Variants in CAST observed in about 807,000 individuals in gnomAD.
The protein encoded by CAST is calpastatin.
CAST carries 76 observed loss-of-function variants against 119.6 expected under a neutral mutation model. That is an observed-to-expected ratio of 0.64 (90% CI 0.53 to 0.77). CAST has a LOEUF of 0.77. Ranked by LOEUF, CAST falls within the 30% of genes least tolerant of loss-of-function variation. The probability of loss-of-function intolerance (pLI) is 0.00; values close to 1 mark genes in which losing one functional copy is unlikely to be tolerated. For synonymous variants in CAST, 319 were observed against 331.6 expected (o/e 0.96, Z 0.41); for missense variants, 953 against 946.5 (o/e 1.01, Z -0.09).
At chr5:96,216,945 T>C in the CAST span, among the ~76,000 whole-genome samples, 1 of 152,198 alleles carries the variant, frequency 6.6e-6, no homozygotes, top group Non-Finnish European at 1.5e-5. Flanking sequence ...TTGTGCTTTC[T>C]GTTGCAGAAG....
the CAST span, among the ~76,000 whole-genome samples, chr5:96,481,710 A>T: frequency 2.0e-5 from 3 of 152,196 alleles, no homozygotes; most frequent in Non-Finnish European, 4.4e-5. Flanking sequence ...TGAAAAGGGA[A>T]ATAAGTGGGA....
chr5:96,746,017 A>G (rs1459559833), intron 16 of CAST, among the ~76,000 whole-genome samples: 3 of 152,228 alleles, frequency 2.0e-5, no homozygotes. Flanking sequence ...AGTGAGCTAG[A>G]TAAGGGTTAT....
chr5:96,685,945 A>G (rs1257880928), intron 2 of CAST, among the ~76,000 whole-genome samples: 1 of 152,052 alleles, frequency 6.6e-6, no homozygotes, highest in Non-Finnish European at 1.5e-5. Context: ...TGATTTCTTT[A>G]TTTCTTTTTT....
At chr5:96,686,757 A>C (rs1413131972) in intron 2 of CAST, among the ~76,000 whole-genome samples, 1 of 152,250 alleles carries the variant, frequency 6.6e-6, no homozygotes, top group Admixed American at 6.5e-5. Flanking sequence ...GTTTACTTAC[A>C]CAAAAAGAGA....
chr5:95,993,731 A>G, the CAST span, among the ~76,000 whole-genome samples: 1 of 152,164 alleles, frequency 6.6e-6, no homozygotes, highest in Non-Finnish European at 1.5e-5. Context: ...TGCAAAACAC[A>G]TTTGACCAAA....
the CAST span, among the ~76,000 whole-genome samples, chr5:96,342,578 T>C: frequency 2.6e-5 from 4 of 152,212 alleles, no homozygotes; most frequent in African/African-American, 7.2e-5. Flanking sequence ...TCAGGTCTAT[T>C]TGGAGACTTG....
At chr5:96,717,031 G>A (rs575529280) in intron 3 of CAST, among the ~76,000 whole-genome samples, 3 of 152,240 alleles carry the variant, frequency 2.0e-5, no homozygotes, top group Admixed American at 1.3e-4. Flanking sequence ...TATTAAAACT[G>A]TATCTTATTC....
the CAST span, among the ~76,000 whole-genome samples, chr5:96,235,195 G>A: frequency 1.3e-5 from 2 of 152,056 alleles, no homozygotes; most frequent in African/African-American, 4.8e-5. Flanking sequence ...GTTTGCCTTG[G>A]GATCATTTCT....
the CAST span, among the ~76,000 whole-genome samples, chr5:96,224,573 G>A: frequency 1.3e-5 from 2 of 152,140 alleles, no homozygotes; most frequent in Admixed American, 6.6e-5. Flanking sequence ...GCCACCAGAA[G>A]CTGGAAGACA....
the CAST span, among the ~76,000 whole-genome samples, chr5:96,498,298 T>A: frequency 6.6e-6 from 1 of 152,242 alleles, no homozygotes; most frequent in African/African-American, 2.4e-5. Context: ...GGTAGTGTGA[T>A]GCCTCCAGCT....
intron 1 of CAST, among the ~76,000 whole-genome samples, chr5:96,541,776 G>T (rs1745917739): frequency 6.6e-6 from 1 of 152,050 alleles, no homozygotes; most frequent in South Asian, 2.1e-4. Flanking sequence ...AGCTTTCTCG[G>T]CATTGTTTTA....
In CAST at chr5:96,622,028, G is replaced by A. The variant is rs371506347; in HGVS notation, c.61-53511G>A. Among the ~76,000 whole-genome samples the A allele has an allele frequency of 5.8e-4, 78 of 134,460 alleles. No homozygotes were observed. In the South Asian group the frequency reaches 0.018, roughly 31 times the overall value. 88.2% of individuals were successfully genotyped at this position (134,460 alleles called of 152,430 possible). A position where few individuals can be genotyped will look rare whatever the true frequency, so the allele number is the denominator to read the frequency against. ...TCTGTTGCCCGGGCTGGAGTGCAGT[G>A]GCGCAATCTCGGCTCACTGCAACCT... On this transcript the variant is annotated intron_variant, in intron 1 of 11. Transcript: ENST00000505143.
the CAST span, among the ~76,000 whole-genome samples, chr5:96,448,190 A>G: frequency 1.3e-5 from 2 of 152,174 alleles, no homozygotes; most frequent in Non-Finnish European, 2.9e-5. Flanking sequence ...AAAGCGTATT[A>G]ACATGTCTGG....
chr5:96,745,967 G>T (rs1349507759), intron 16 of CAST, among the ~76,000 whole-genome samples: 3 of 152,150 alleles, frequency 2.0e-5, no homozygotes, highest in African/African-American at 7.2e-5. Context: ...TGTCTTCAAA[G>T]GATCTTTTAT....
intron 9 of CAST, 54 bp downstream of exon 9, chr5:96,730,914 T>C: frequency 2.3e-6 from 3 of 1,318,826 alleles, no homozygotes; most frequent in Non-Finnish European, 3.3e-6. Context: ...TCAAGTTTCT[T>C]TTATGAGAAA....
chr5:96,283,096 CT>C, the CAST span, among the ~76,000 whole-genome samples: 1 of 140,180 alleles, frequency 7.1e-6, no homozygotes, highest in African/African-American at 2.7e-5. Context: ...CGCCACTGCA[CT>C]CCCACCTGGG....
the CAST span, among the ~76,000 whole-genome samples, chr5:96,451,531 A>AT: frequency 6.6e-6 from 1 of 152,372 alleles, no homozygotes; most frequent in East Asian, 1.9e-4. Flanking sequence ...ACCTAAAACC[A>AT]TAAAAACCCT....
At chr5:96,353,892 G>A in the CAST span, among the ~76,000 whole-genome samples, 3 of 152,004 alleles carry the variant, frequency 2.0e-5, no homozygotes, top group Admixed American at 6.6e-5. Context: ...TCTCTATCTC[G>A]ATCATCTGTA....
At position 96,616,725 on chromosome 5, in the gene CAST, G is replaced by GCTCTCT. The variant is rs1482470800; in HGVS notation, c.61-58811_61-58810insTCTCTC. ...GTGGCCTCTTAGACACCAAGCGCTC[G>GCTCTCT]CTCGCTCTCTCTCTCTCTCTATATA... On this transcript the variant is annotated intron_variant, in intron 1 of 11. Transcript: ENST00000505143. 2.4e-3 allele frequency among the ~76,000 whole-genome samples: 337 copies of GCTCTCT among 138,344 alleles called. 5 individuals carry two copies. The highest frequency in any genetic ancestry group is 9.4e-3 in the African/African-American group (329 of 35,118). 90.8% of individuals were successfully genotyped at this position (138,344 alleles called of 152,430 possible).
Sources: gnomAD v4.1 joint callset for allele counts (sites outside exome capture counted in the v4.1 genomes callset) on GRCh38, gnomAD v4.1.1 for gene constraint, MANE v1.5 for transcripts, NCBI Gene and HGNC (gene_info 2026-07-23, HGNC 2026-07-21) for gene names.